The following ANKRD55 variants were observed in gnomAD, a reference collection of about 807,000 sequenced individuals.
The protein encoded by ANKRD55 is ankyrin repeat domain-containing protein 55.
Under a neutral mutation model 60.6 loss-of-function variants are expected in ANKRD55, and 41 were observed. The ratio of observed to expected loss-of-function variants is 0.68; its 90% CI spans 0.53 to 0.88. ANKRD55 has a LOEUF of 0.88. ANKRD55 is among the 40% of genes least tolerant of loss of function. ANKRD55 has a pLI of 0.00. For missense variants in ANKRD55, 732 were observed against 767.6 expected (o/e 0.95, Z 0.55); for synonymous variants, 264 against 290.3 (o/e 0.91, Z 0.92).
chr5:56,214,750 G>A (rs1746269080), intron 2 of ANKRD55, among the ~76,000 whole-genome samples: 1 of 152,170 alleles, frequency 6.6e-6, no homozygotes, highest in Non-Finnish European at 1.5e-5. Context: ...GCTATTCTAA[G>A]ATGAAACACT....
At chr5:56,172,104 A>C (rs1200221412) in intron 4 of ANKRD55, among the ~76,000 whole-genome samples, 1 of 150,838 alleles carries the variant, frequency 6.6e-6, no homozygotes, top group East Asian at 1.9e-4. Context: ...GGGCGACAGA[A>C]CGAGACTCTG....
chr5:56,201,872 T>C (rs530903253), intron 2 of ANKRD55, among the ~76,000 whole-genome samples: 3 of 152,322 alleles, frequency 2.0e-5, no homozygotes, highest in South Asian at 4.1e-4. Context: ...TATTCACTGT[T>C]AGCAAAAACA....
chr5:56,232,838 G>A lies in ANKRD55; in HGVS notation c.58+18C>T. The A allele has an allele frequency of 3.1e-6, 5 of 1,612,632 alleles. No homozygotes were observed. Among genetic ancestry groups the A allele is most frequent in the Non-Finnish European group, 4.2e-6 (5 of 1,178,728 alleles). On this transcript the variant is annotated intron_variant, in intron 2 of 11. Transcript: ENST00000341048. The stretch of plus-strand genomic sequence containing the variant: ...AAGGATGCTAACAACCAAAGAATGT[G>A]TTAAAGCAGCATTTTACCTCTTTGC...
intron 5 of ANKRD55, among the ~76,000 whole-genome samples, chr5:56,168,795 T>C (rs1758542720): frequency 6.6e-6 from 1 of 152,250 alleles, no homozygotes; most frequent in South Asian, 2.1e-4. Flanking sequence ...CTTGGGTCCC[T>C]GAATTGCCAT....
Position 56,176,135 on chromosome 5 carries a change from C to T in ANKRD55, c.312+17G>A. The T allele has an allele frequency of 6.2e-7, 1 of 1,614,020 alleles. No individual in the cohort carries two copies. The highest frequency in any genetic ancestry group is 8.5e-7 in the Non-Finnish European group (1 of 1,179,906). ...CTACCCTGCTCCTTCCACCCTGTGACAGGCACAAGTCAGTACCAGGTAGGT... is the reference window on the plus strand; with the variant it reads ...CTACCCTGCTCCTTCCACCCTGTGATAGGCACAAGTCAGTACCAGGTAGGT... On this transcript the variant is annotated intron_variant, in intron 4 of 11. Coordinates refer to ENST00000341048, the MANE Select transcript of ANKRD55 (RefSeq NM_024669.3).
chr5:56,159,698 C>T (rs1758277619), intron 6 of ANKRD55, 135 bp downstream of exon 6: 1 of 848,278 alleles, frequency 1.2e-6, no homozygotes, highest in Non-Finnish European at 1.9e-6. Flanking sequence ...ACAGGTCTCC[C>T]TTTCAGGGTA....
chr5:56,151,868 C>G (rs1456591532), intron 6 of ANKRD55, among the ~76,000 whole-genome samples: 1 of 145,620 alleles, frequency 6.9e-6, no homozygotes, highest in African/African-American at 2.5e-5. Context: ...TGTATATATA[C>G]GTGTGTATAT....
At chr5:56,139,311 GT>G (rs1319542191) in intron 7 of ANKRD55, among the ~76,000 whole-genome samples, 2 of 152,160 alleles carry the variant, frequency 1.3e-5, no homozygotes, top group African/African-American at 4.8e-5. Flanking sequence ...ACAAAGCTCT[GT>G]TCTGGGTGTT....
intron 2 of ANKRD55, among the ~76,000 whole-genome samples, chr5:56,226,536 C>G (rs1760113599): frequency 6.6e-6 from 1 of 151,998 alleles, no homozygotes. Context: ...AAACTACCAT[C>G]AGAGTGAACA....
chr5:56,155,797 A>G (rs1199073025), intron 6 of ANKRD55, among the ~76,000 whole-genome samples: 3 of 151,260 alleles, frequency 2.0e-5, no homozygotes, highest in African/African-American at 4.9e-5. Context: ...GTGCACTGAC[A>G]TCGCACCATA....
In ANKRD55 at chr5:56,135,298, T is replaced by TTGCTTG. The variant is rs1561264007; in HGVS notation, c.613-8193_613-8192insCAAGCA. On this transcript the variant is annotated intron_variant, in intron 7 of 11. Transcript: ENST00000341048. ...TCCCTCCCTGCCTGCCTGCTTGCTT[T>TTGCTTG]CTTTCTTTCTTTCTTTCTTTCTTTC... is the stretch of plus-strand genomic sequence containing the variant. 1.3e-4 allele frequency among the ~76,000 whole-genome samples: 4 copies of TTGCTTG among 31,036 alleles called. 1 individual carries two copies. Among genetic ancestry groups the TTGCTTG allele is most frequent in the Non-Finnish European group, 1.7e-4 (2 of 12,098 alleles). The allele number at this position is 31,036 out of a possible 152,430, so 20.4% of individuals were successfully genotyped here.
chr5:56,208,042 T>A (rs1178536049), intron 2 of ANKRD55, among the ~76,000 whole-genome samples: 1 of 152,212 alleles, frequency 6.6e-6, no homozygotes, highest in African/African-American at 2.4e-5. Flanking sequence ...TTTTCTATTT[T>A]TAAAATGATT....
chr5:56,181,928 T>A (rs1002008033), intron 3 of ANKRD55, among the ~76,000 whole-genome samples: 1 of 152,234 alleles, frequency 6.6e-6, no homozygotes, highest in African/African-American at 2.4e-5. Context: ...TATTTGCTAA[T>A]ATTTGGTTAA....
At chr5:56,141,130 G>GTT (rs33972955) in intron 7 of ANKRD55, among the ~76,000 whole-genome samples, 10,826 of 111,692 alleles carry the variant, frequency 0.097, 1,725 homozygotes, top group African/African-American at 0.33. Context: ...TGCACACACA[G>GTT]TTTTTTTTTT....
At chr5:56,204,990 G>A (rs528951740) in intron 2 of ANKRD55, among the ~76,000 whole-genome samples, 1 of 152,310 alleles carries the variant, frequency 6.6e-6, no homozygotes, top group African/African-American at 2.4e-5. Context: ...GAATGTTCAT[G>A]TTCAGTTGAA....
intron 7 of ANKRD55, among the ~76,000 whole-genome samples, chr5:56,131,083 A>G (rs1285007699): frequency 6.6e-6 from 1 of 152,204 alleles, no homozygotes; most frequent in Non-Finnish European, 1.5e-5. Context: ...AATAATAACA[A>G]CTGAGAATTT....
intron 8 of ANKRD55, chr5:56,117,076 T>C: frequency 9.0e-6 from 2 of 222,654 alleles, no homozygotes; most frequent in South Asian, 1.5e-4. Context: ...AGGTTCTTTA[T>C]ACATAGTGCC....
At chr5:56,189,308 C>T (rs1259360475) in intron 2 of ANKRD55, among the ~76,000 whole-genome samples, 1 of 112,400 alleles carries the variant, frequency 8.9e-6, no homozygotes, top group African/African-American at 3.2e-5. Flanking sequence ...GAGACTCTGT[C>T]TCAAAAAAAA....
Position 56,111,454 on chromosome 5 carries a change from T to C in ANKRD55, c.1294A>G (p.Ile432Val), listed in dbSNP as rs150293961. The change falls in exon 10 of 12, where the codon ATC (isoleucine) becomes GTC (valine). Residue 432 changes from isoleucine (I) to valine (V), a missense_variant. Ile to Val is a conservative substitution (Grantham distance 29). This residue lies in a region of ANKRD55 where 597 missense variants were observed against 607.5 expected (regional missense o/e 0.98). Transcript: ENST00000341048. ...ATGGGTGGGAGACTCTGCGTTCTGA[T>C]TGGTGGAAGCCCCTTACGGGCCAGC... ...KPLARKGLPP[I>V]RTQSLPPITL... is the part of the protein sequence containing the mutation. 6 of 1,614,030 alleles carry C rather than the reference T, an allele frequency of 3.7e-6. No homozygotes were observed. In the African/African-American group the frequency reaches 8.0e-5, roughly 22 times the overall value.
Sources: allele counts gnomAD v4.1 joint callset (sites outside exome capture counted in the v4.1 genomes callset), GRCh38; gene constraint gnomAD v4.1.1; regional missense constraint gnomAD v4.1.1; transcripts MANE v1.5; gene names NCBI Gene and HGNC (gene_info 2026-07-23, HGNC 2026-07-21).